The following GSG1L variants were observed in gnomAD, a reference collection of about 807,000 sequenced individuals.
GSG1L encodes the protein GSG1 like.
A neutral mutation model predicts 42.1 loss-of-function variants in GSG1L; 24 were observed. The ratio of observed to expected loss-of-function variants is 0.57; its 90% CI spans 0.41 to 0.80. The LOEUF is 0.80. Among genes scored for constraint, GSG1L ranks in the 30% least tolerant of loss-of-function variants. The probability of loss-of-function intolerance (pLI) is 0.00; values close to 1 mark genes in which losing one functional copy is unlikely to be tolerated. For synonymous variants in GSG1L, 215 were observed against 203.5 expected (o/e 1.06, Z -0.48); for missense variants, 445 against 472.2 (o/e 0.94, Z 0.53).
intron 3 of GSG1L, among the ~76,000 whole-genome samples, chr16:27,873,709 A>T (rs2083851902): frequency 7.9e-5 from 12 of 152,252 alleles, no homozygotes; most frequent in Admixed American, 7.9e-4. Context: ...CTATCCAGAA[A>T]TGAAAGAGCT....
chr16:27,946,633 A>AGAGAG (rs2084871610), intron 2 of GSG1L, among the ~76,000 whole-genome samples: 1 of 33,322 alleles, frequency 3.0e-5, no homozygotes, highest in African/African-American at 1.2e-4. Flanking sequence ...GAGAGAGAGA[A>AGAGAG]AGAAAGAAAG....
intron 6 of GSG1L, among the ~76,000 whole-genome samples, chr16:27,804,226 C>T (rs2082930349): frequency 6.6e-6 from 1 of 152,134 alleles, no homozygotes; most frequent in South Asian, 2.1e-4. Flanking sequence ...CCTCCTGCCA[C>T]CGTCGGCCCC....
At chr16:27,794,309 T>C (rs920652922) in intron 6 of GSG1L, among the ~76,000 whole-genome samples, 1 of 151,712 alleles carries the variant, frequency 6.6e-6, no homozygotes, top group South Asian at 2.1e-4. Context: ...TGAGTCACCA[T>C]GCCCAGCTGG....
At chr16:27,823,353 A>C (rs2083170063) in intron 5 of GSG1L, among the ~76,000 whole-genome samples, 1 of 152,064 alleles carries the variant, frequency 6.6e-6, no homozygotes, top group South Asian at 2.1e-4. Flanking sequence ...GCACACACAC[A>C]CATAATACGC....
chr16:27,973,875 T>G (rs1051778645), intron 1 of GSG1L, among the ~76,000 whole-genome samples: 5 of 152,204 alleles, frequency 3.3e-5, no homozygotes, highest in African/African-American at 2.4e-5. Flanking sequence ...CTGAGGCTGC[T>G]GCAGACATGC....
chr16:27,943,384 T>C (rs1291419254), intron 2 of GSG1L, among the ~76,000 whole-genome samples: 4 of 151,870 alleles, frequency 2.6e-5, no homozygotes, highest in Non-Finnish European at 5.9e-5. Flanking sequence ...TACAGCAGAA[T>C]ATTACATAAC....
intron 1 of GSG1L, among the ~76,000 whole-genome samples, chr16:27,993,842 CAT>C (rs1307343210): frequency 1.3e-5 from 2 of 152,190 alleles, no homozygotes; most frequent in Non-Finnish European, 1.5e-5. Flanking sequence ...TCCCCTGACA[CAT>C]GTGCAGAAAG....
intron 2 of GSG1L, among the ~76,000 whole-genome samples, chr16:27,898,862 A>T (rs568810639): frequency 6.0e-4 from 91 of 152,358 alleles, no homozygotes; most frequent in African/African-American, 2.0e-3. Context: ...ATGGAAGACC[A>T]GGGCCATATT....
intron 1 of GSG1L, among the ~76,000 whole-genome samples, chr16:28,006,947 A>AC (rs2085647106): frequency 1.3e-5 from 2 of 152,126 alleles, no homozygotes; most frequent in African/African-American, 4.8e-5. Flanking sequence ...CTAAAAGCAG[A>AC]CAAAAAAAGC....
intron 4 of GSG1L, among the ~76,000 whole-genome samples, chr16:27,830,784 G>A (rs2083266611): frequency 6.6e-6 from 1 of 152,236 alleles, no homozygotes; most frequent in Non-Finnish European, 1.5e-5. Context: ...AACCTGGGAT[G>A]TCTCTTTATA....
At chr16:27,803,419 C>T (rs1048612937) in intron 6 of GSG1L, among the ~76,000 whole-genome samples, 1 of 152,148 alleles carries the variant, frequency 6.6e-6, no homozygotes, top group Non-Finnish European at 1.5e-5. Flanking sequence ...GCCCCCAGCC[C>T]CCAGCAGGCT....
intron 1 of GSG1L, among the ~76,000 whole-genome samples, chr16:28,026,842 G>T (rs1314668486): frequency 6.6e-6 from 1 of 152,224 alleles, no homozygotes; most frequent in Non-Finnish European, 1.5e-5. Context: ...AACACTTTGG[G>T]AGGCTGAGGT....
chr16:28,032,415 A>C (rs1332087360), intron 1 of GSG1L, among the ~76,000 whole-genome samples: 1 of 152,184 alleles, frequency 6.6e-6, no homozygotes, highest in Non-Finnish European at 1.5e-5. Flanking sequence ...GCGTAGTGAG[A>C]GTGAGACAAA....
intron 2 of GSG1L, among the ~76,000 whole-genome samples, chr16:27,962,063 T>C (rs1338514302): frequency 1.3e-5 from 2 of 152,160 alleles, no homozygotes; most frequent in Non-Finnish European, 2.9e-5. Flanking sequence ...TGAAGAGACA[T>C]GCATACCTGT....
At chr16:27,850,283 T>C (rs977015508) in intron 3 of GSG1L, among the ~76,000 whole-genome samples, 4 of 150,536 alleles carry the variant, frequency 2.7e-5, no homozygotes, top group Non-Finnish European at 5.9e-5. Context: ...CCCACCTTGG[T>C]CCCAAAGTGC....
At chr16:28,039,578 C>T (rs141855231) in intron 1 of GSG1L, among the ~76,000 whole-genome samples, 188 of 151,016 alleles carry the variant, frequency 1.2e-3, no homozygotes, top group African/African-American at 4.0e-3. Flanking sequence ...TGCACACACG[C>T]GCACACATGC....
At chr16:27,897,039 T>C (rs1444260044) in intron 2 of GSG1L, among the ~76,000 whole-genome samples, 1 of 152,230 alleles carries the variant, frequency 6.6e-6, no homozygotes, top group East Asian at 1.9e-4. Context: ...AATTTTTGTA[T>C]TTTTAGCAGA....
At chr16:27,805,834 G>A (rs1020932395) in intron 6 of GSG1L, among the ~76,000 whole-genome samples, 1 of 151,478 alleles carries the variant, frequency 6.6e-6, no homozygotes, top group Non-Finnish European at 1.5e-5. Flanking sequence ...GAGAACTCTC[G>A]TTCTTAATTC....
At chr16:28,058,404 G>A (rs1035469950) in intron 1 of GSG1L, among the ~76,000 whole-genome samples, 97 of 152,126 alleles carry the variant, frequency 6.4e-4, no homozygotes, top group Non-Finnish European at 2.9e-5. Flanking sequence ...CGAGGCAAGC[G>A]GATCGCTTGA....
Sources: allele counts gnomAD v4.1 joint callset (sites outside exome capture counted in the v4.1 genomes callset), GRCh38; gene constraint gnomAD v4.1.1; transcripts MANE v1.5; gene names NCBI Gene and HGNC (gene_info 2026-07-23, HGNC 2026-07-21).